The following SLC9A9 variants were observed in gnomAD, a reference collection of about 807,000 sequenced individuals.
SLC9A9 encodes the protein sodium/hydrogen exchanger 9.
SLC9A9 carries 62 observed loss-of-function variants against 77.8 expected under a neutral mutation model. The observed-to-expected ratio is 0.80, with a 90% confidence interval of 0.65 to 0.98. The LOEUF is 0.98. Among genes scored for constraint, SLC9A9 ranks in the 50% least tolerant of loss-of-function variants. The pLI is 0.00. For synonymous variants in SLC9A9, 320 were observed against 283.5 expected, an observed-to-expected ratio of 1.13 and a Z score of -1.29; for missense variants, 775 against 774.9, an observed-to-expected ratio of 1.00 and a Z score of 0.00.
At chr3:143,505,109 G>A (rs938102949) in intron 9 of SLC9A9, among the ~76,000 whole-genome samples, 3 of 151,712 alleles carry the variant, frequency 2.0e-5, no homozygotes, top group African/African-American at 7.3e-5. Flanking sequence ...AAATTTCTTT[G>A]TACCCAATTA....
intron 4 of SLC9A9, among the ~76,000 whole-genome samples, chr3:143,792,015 C>A (rs1186557846): frequency 1.3e-5 from 2 of 152,188 alleles, no homozygotes; most frequent in African/African-American, 4.8e-5. Flanking sequence ...CGGAGCCAAA[C>A]AATTTAGTTA....
At chr3:143,640,750 G>GC (rs1157446087) in intron 6 of SLC9A9, among the ~76,000 whole-genome samples, 1 of 152,132 alleles carries the variant, frequency 6.6e-6, no homozygotes, top group African/African-American at 2.4e-5. Flanking sequence ...TACTCAGGAG[G>GC]CTGAGGTGGG....
intron 14 of SLC9A9, among the ~76,000 whole-genome samples, chr3:143,316,781 T>C (rs1305701621): frequency 1.3e-5 from 2 of 152,294 alleles, no homozygotes; most frequent in African/African-American, 4.8e-5. Context: ...ATTGACAATA[T>C]TAAGAGCAAA....
At chr3:143,319,961 G>A (rs987162501) in intron 14 of SLC9A9, among the ~76,000 whole-genome samples, 1 of 152,160 alleles carries the variant, frequency 6.6e-6, no homozygotes, top group African/African-American at 2.4e-5. Flanking sequence ...ATATGGGCTG[G>A]TGCTGTCACC....
chr3:143,840,248 C>G (rs1489303690), intron 1 of SLC9A9, among the ~76,000 whole-genome samples: 2 of 55,864 alleles, frequency 3.6e-5, no homozygotes, highest in African/African-American at 9.3e-5. Context: ...GTAGTTCCTA[C>G]CAACATAAGT....
chr3:143,817,145 A>G (rs1421472720), intron 2 of SLC9A9, among the ~76,000 whole-genome samples: 1 of 110,962 alleles, frequency 9.0e-6, no homozygotes, highest in African/African-American at 2.9e-5. Context: ...TTTTTTTTTT[A>G]TTTTTTTTTT....
intron 4 of SLC9A9, among the ~76,000 whole-genome samples, chr3:143,777,784 T>A (rs1186313321): frequency 1.3e-5 from 2 of 150,948 alleles, no homozygotes; most frequent in Non-Finnish European, 2.9e-5. Flanking sequence ...GTGTGATCTC[T>A]GCTCACTGCA....
chr3:143,623,904 T>C (rs1300468322), intron 6 of SLC9A9, among the ~76,000 whole-genome samples: 1 of 151,958 alleles, frequency 6.6e-6, no homozygotes, highest in East Asian at 1.9e-4. Context: ...AAGAATCAAA[T>C]AGACGCAATA....
chr3:143,626,292 T>C (rs2038325402), intron 6 of SLC9A9, among the ~76,000 whole-genome samples: 1 of 152,218 alleles, frequency 6.6e-6, no homozygotes, highest in Non-Finnish European at 1.5e-5. Flanking sequence ...TTATAAATCA[T>C]GCTGCTATAA....
chr3:143,751,153 C>T (rs867735459), intron 4 of SLC9A9, among the ~76,000 whole-genome samples: 6 of 152,112 alleles, frequency 3.9e-5, no homozygotes, highest in Admixed American at 2.6e-4. Context: ...TATTGCAGGG[C>T]GAGTCAAGAG....
In SLC9A9 at chr3:143,533,893, G is replaced by T. The variant is rs540314313; in HGVS notation, c.1089+18469C>A. ...CTAGGTTTAGTCCACCTAACCTGTT[G>T]TCTAAAATATAATGCAGTTTCTAAC... On this transcript the variant is annotated intron_variant, in intron 9 of 15. Coordinates refer to ENST00000316549, the MANE Select transcript of SLC9A9 (RefSeq NM_173653.4). Among the ~76,000 whole-genome samples, 30 of 152,278 alleles carry T rather than the reference G, an allele frequency of 2.0e-4. No individual in the cohort carries two copies. In the South Asian group the frequency reaches 4.1e-3, roughly 21 times the overall value.
intron 4 of SLC9A9, among the ~76,000 whole-genome samples, chr3:143,731,376 A>G (rs571001480): frequency 6.6e-6 from 1 of 152,166 alleles, no homozygotes; most frequent in African/African-American, 2.4e-5. Flanking sequence ...TTTGAACTCT[A>G]CTGCTCCTTC....
At chr3:143,750,895 T>C (rs2006687407) in intron 4 of SLC9A9, among the ~76,000 whole-genome samples, 1 of 152,152 alleles carries the variant, frequency 6.6e-6, no homozygotes, top group African/African-American at 2.4e-5. Context: ...GTTATTTAGA[T>C]TGCAACTGTA....
intron 4 of SLC9A9, among the ~76,000 whole-genome samples, chr3:143,770,094 A>G (rs2108839246): frequency 6.6e-6 from 1 of 152,322 alleles, no homozygotes; most frequent in African/African-American, 2.4e-5. Context: ...ACTCAACCTC[A>G]TAAATATATG....
At chr3:143,756,970 T>A (rs1463947845) in intron 4 of SLC9A9, among the ~76,000 whole-genome samples, 1 of 152,310 alleles carries the variant, frequency 6.6e-6, no homozygotes, top group South Asian at 2.1e-4. Context: ...AGAAAACGCA[T>A]AAATCATGTA....
At chr3:143,389,216 T>C (rs950062199) in intron 12 of SLC9A9, among the ~76,000 whole-genome samples, 9 of 152,150 alleles carry the variant, frequency 5.9e-5, no homozygotes, top group Non-Finnish European at 8.8e-5. Flanking sequence ...GAGGTATACA[T>C]TGTGATATTA....
At chr3:143,280,264 T>C (rs1447454627) in intron 14 of SLC9A9, among the ~76,000 whole-genome samples, 1 of 152,160 alleles carries the variant, frequency 6.6e-6, no homozygotes, top group Non-Finnish European at 1.5e-5. Context: ...GGGAACAAAA[T>C]GAATACACAC....
intron 14 of SLC9A9, among the ~76,000 whole-genome samples, chr3:143,274,683 T>C (rs1937994880): frequency 6.6e-6 from 1 of 152,218 alleles, no homozygotes; most frequent in South Asian, 2.1e-4. Flanking sequence ...CCAATTCAAA[T>C]ATTTCTGTTT....
At chr3:143,391,880 G>GTAA (rs758983864) in intron 12 of SLC9A9, among the ~76,000 whole-genome samples, 73 of 152,260 alleles carry the variant, frequency 4.8e-4, no homozygotes, top group Non-Finnish European at 1.0e-3. Flanking sequence ...ATGAAATGAA[G>GTAA]CAAGAAGAGA....
Sources: gnomAD v4.1 joint callset for allele counts (sites outside exome capture counted in the v4.1 genomes callset) on GRCh38, gnomAD v4.1.1 for gene constraint, MANE v1.5 for transcripts, NCBI Gene and HGNC (gene_info 2026-07-23, HGNC 2026-07-21) for gene names.